The following XXYLT1 variants were observed in gnomAD, a reference collection of about 807,000 sequenced individuals.
The protein encoded by XXYLT1 is UDP-xylose:alpha-xyloside alpha-1,3-xylosyltransferase.
XXYLT1 carries 20 observed loss-of-function variants against 28.9 expected under a neutral mutation model. The observed-to-expected ratio is 0.69, with a 90% CI of 0.49 to 1.00. The LOEUF is 1.00. Ranked by LOEUF, XXYLT1 falls within the 50% of genes least tolerant of loss-of-function variation. XXYLT1 has a pLI of 0.00. For missense variants in XXYLT1, 542 were observed against 560.1 expected (o/e 0.97, Z 0.33); for synonymous variants, 257 against 253.8 (o/e 1.01, Z -0.12).
In XXYLT1 at chr3:195,150,423, G is replaced by A. The variant is rs573897602; in HGVS notation, c.785+6026C>T. ...GCACCAGTCCTTGGAGTGGGATGAC[G>A]CAGCCTGCAGAGAAGCTTTCCTTCC... On this transcript the variant is annotated intron_variant, in intron 3 of 3. Transcript: ENST00000310380. The surrounding 1 kb of genome is among the most constrained non-coding windows in gnomAD (Gnocchi z 4.7). Among the ~76,000 whole-genome samples the A allele has an allele frequency of 1.2e-3, 181 of 152,314 alleles. No individual in the cohort carries two copies. Among genetic ancestry groups the A allele is most frequent in the Admixed American group, 3.2e-3 (49 of 15,294 alleles).
intron 3 of XXYLT1, among the ~76,000 whole-genome samples, chr3:195,137,734 T>C (rs910920419): frequency 7.9e-5 from 12 of 152,254 alleles, no homozygotes; most frequent in African/African-American, 2.4e-4. Flanking sequence ...AGGGCTCTGA[T>C]GGAGCTGCTC....
At chr3:195,269,833 G>C (rs1342833115) in intron 1 of XXYLT1, among the ~76,000 whole-genome samples, 1 of 152,326 alleles carries the variant, frequency 6.6e-6, no homozygotes, top group African/African-American at 2.4e-5. Flanking sequence ...TCTCAGACAA[G>C]GAGAGCCAGG....
intron 2 of XXYLT1, among the ~76,000 whole-genome samples, chr3:195,191,614 A>G (rs1187630938): frequency 6.6e-6 from 1 of 152,248 alleles, no homozygotes; most frequent in Non-Finnish European, 1.5e-5. Flanking sequence ...TGCATAAACT[A>G]TCTACAAAGG....
At chr3:195,171,914 G>T (rs1448417137) in intron 2 of XXYLT1, among the ~76,000 whole-genome samples, 1 of 152,220 alleles carries the variant, frequency 6.6e-6, no homozygotes, top group Non-Finnish European at 1.5e-5. Context: ...GTCAGTGATG[G>T]AAGATTTGAA....
rs117397542 is a variant in XXYLT1, at chr3:195,175,278, C to A, written c.653-18697G>T. Among the ~76,000 whole-genome samples the A allele has an allele frequency of 3.5e-3, 532 of 152,314 alleles. 26 individuals carry two copies. In the East Asian group the frequency reaches 0.095, roughly 27 times the overall value. On this transcript the variant is annotated intron_variant, in intron 2 of 3. Transcript: ENST00000310380. ...TCTCCCCATAACAAGAGAGGCTCTT[C>A]TACAGTCAGGAGGGCCACGCAGCGT...
chr3:195,140,558 C>T lies in XXYLT1; in HGVS notation c.785+15891G>A, dbSNP rs1203666540. Among the ~76,000 whole-genome samples, 5 of 152,124 alleles carry T rather than the reference C, an allele frequency of 3.3e-5. 1 individual carries two copies. Among genetic ancestry groups the T allele is most frequent in the Admixed American group, 2.0e-4 (3 of 15,270 alleles). On this transcript the variant is annotated intron_variant, in intron 3 of 3. Coordinates refer to ENST00000310380, the MANE Select transcript of XXYLT1 (RefSeq NM_152531.5). ...CTGCAGACTGTACAGGAAGCATGGCCAGGAGGCCTCAGAAAACTCACAATC... is the reference window on the plus strand; with the variant it reads ...CTGCAGACTGTACAGGAAGCATGGCTAGGAGGCCTCAGAAAACTCACAATC...
chr3:195,245,655 G>A (rs1724990610), intron 1 of XXYLT1, among the ~76,000 whole-genome samples: 1 of 152,232 alleles, frequency 6.6e-6, no homozygotes, highest in Non-Finnish European at 1.5e-5. Flanking sequence ...TCATGTTGGA[G>A]TGTGATTCGC....
intron 3 of XXYLT1, among the ~76,000 whole-genome samples, chr3:195,112,276 G>A (rs1717760719): frequency 6.6e-6 from 1 of 152,150 alleles, no homozygotes; most frequent in African/African-American, 2.4e-5. Flanking sequence ...GGCAAACACG[G>A]GTTTCGCTGA....
intron 1 of XXYLT1, among the ~76,000 whole-genome samples, chr3:195,243,681 G>A (rs998076877): frequency 7.2e-5 from 11 of 152,170 alleles, no homozygotes; most frequent in African/African-American, 1.9e-4. Flanking sequence ...AATAACTTGA[G>A]CTCACTTTGA....
intron 2 of XXYLT1, chr3:195,183,484 G>A (rs186663318): frequency 6.6e-6 from 1 of 152,248 alleles, no homozygotes; most frequent in East Asian, 1.9e-4. Flanking sequence ...ACCCAGTCTC[G>A]GGTATTTCTT....
intron 3 of XXYLT1, among the ~76,000 whole-genome samples, chr3:195,121,786 C>T (rs1718372587): frequency 1.3e-5 from 2 of 152,306 alleles, no homozygotes; most frequent in African/African-American, 4.8e-5. Flanking sequence ...CTAGCCCTAC[C>T]ATCAACTGGC....
chr3:195,169,495 G>A (rs1264977819), intron 2 of XXYLT1, among the ~76,000 whole-genome samples: 2 of 152,154 alleles, frequency 1.3e-5, no homozygotes, highest in Non-Finnish European at 2.9e-5. Context: ...CAGCTGCCAC[G>A]TCCCCTCATG....
chr3:195,250,450 G>C (rs1725205816), intron 1 of XXYLT1, among the ~76,000 whole-genome samples: 1 of 151,918 alleles, frequency 6.6e-6, no homozygotes, highest in Non-Finnish European at 1.5e-5. Flanking sequence ...TATAACTCTA[G>C]CTACTTGGGA....
intron 3 of XXYLT1, among the ~76,000 whole-genome samples, chr3:195,151,843 G>A (rs947817701): frequency 2.2e-5 from 3 of 138,344 alleles, no homozygotes; most frequent in Admixed American, 1.5e-4. Context: ...GGAACAAAGC[G>A]ACTGGTAAAG....
At chr3:195,244,687 A>AG (rs932933960) in intron 1 of XXYLT1, among the ~76,000 whole-genome samples, 1 of 134,476 alleles carries the variant, frequency 7.4e-6, no homozygotes, top group African/African-American at 2.9e-5. Context: ...GCGTGAACCC[A>AG]GGGGGCAGAG....
At chr3:195,243,104 G>GC (rs1199755222) in intron 1 of XXYLT1, among the ~76,000 whole-genome samples, 1 of 151,978 alleles carries the variant, frequency 6.6e-6, no homozygotes, top group Admixed American at 6.6e-5. Flanking sequence ...GCAAACTATC[G>GC]CAAGGACAGA....
rs776873380 is a variant in XXYLT1, at chr3:195,070,123, G to A, written c.786-12C>T. The A allele has an allele frequency of 3.9e-6, 6 of 1,546,114 alleles. No individual in the cohort carries two copies. Among genetic ancestry groups the A allele is most frequent in the Non-Finnish European group, 4.3e-6 (5 of 1,153,344 alleles). On this transcript the variant is annotated splice_polypyrimidine_tract_variant and intron_variant, in intron 3 of 3. Coordinates refer to ENST00000310380, the MANE Select transcript of XXYLT1 (RefSeq NM_152531.5). ...GCCAGAATGTGTGCCTGTGGAGAGA[G>A]AGGACAGAGTTAGTCCGGTGTGCAG...
At chr3:195,106,698 G>A (rs1308173203) in intron 3 of XXYLT1, among the ~76,000 whole-genome samples, 1 of 152,238 alleles carries the variant, frequency 6.6e-6, no homozygotes, top group Non-Finnish European at 1.5e-5. Flanking sequence ...GTGGGGGGCT[G>A]GCCACCCATC....
intron 3 of XXYLT1, among the ~76,000 whole-genome samples, chr3:195,140,620 C>T (rs1011995512): frequency 1.4e-4 from 22 of 151,890 alleles, no homozygotes; most frequent in Admixed American, 3.9e-4. Flanking sequence ...CACATCTGCA[C>T]ATGGCAGCAG....
Sources: gnomAD v4.1 joint callset for allele counts (sites outside exome capture counted in the v4.1 genomes callset) on GRCh38, gnomAD v4.1.1 for gene constraint, Gnocchi (gnomAD v3.1) non-coding constraint, MANE v1.5 for transcripts, NCBI Gene and HGNC (gene_info 2026-07-23, HGNC 2026-07-21) for gene names.